EBF1: variants seen among roughly 807,000 people sequenced by gnomAD.
The protein encoded by EBF1 is transcription factor COE1.
Under a neutral mutation model 68.4 loss-of-function variants are expected in EBF1, and 10 were observed. That is an observed-to-expected ratio of 0.15 (90% CI 0.09 to 0.25). EBF1 has a LOEUF of 0.25. Ranked by LOEUF, EBF1 falls within the 10% of genes least tolerant of loss-of-function variation. EBF1 has a pLI of 1.00. For synonymous variants in EBF1, 298 were observed against 299.8 expected, an observed-to-expected ratio of 0.99 and a Z score of 0.06; for missense variants, 509 against 794.4, an observed-to-expected ratio of 0.64 and a Z score of 4.32.
chr5:159,080,861 T>C (rs1779634378), intron 5 of EBF1, among the ~76,000 whole-genome samples: 2 of 152,340 alleles, frequency 1.3e-5, no homozygotes, highest in Non-Finnish European at 2.9e-5. Flanking sequence ...GGAAGACAGA[T>C]TGTGGGCAAA....
intron 6 of EBF1, among the ~76,000 whole-genome samples, chr5:158,941,840 TG>T (rs1279402839): frequency 6.6e-6 from 1 of 152,182 alleles, no homozygotes; most frequent in African/African-American, 2.4e-5. Flanking sequence ...TCCAGAACTG[TG>T]GTATCCTAGG....
At chr5:158,881,411 A>G (rs1798879405) in intron 6 of EBF1, among the ~76,000 whole-genome samples, 1 of 152,184 alleles carries the variant, frequency 6.6e-6, no homozygotes, top group South Asian at 2.1e-4. Context: ...TTAGCAACGC[A>G]GTGTAAATTT....
intron 9 of EBF1, among the ~76,000 whole-genome samples, chr5:158,778,417 G>A (rs1381284230): frequency 6.6e-6 from 1 of 152,216 alleles, no homozygotes; most frequent in East Asian, 1.9e-4. Flanking sequence ...TTCTGCAATT[G>A]TCTACTCTTT....
At chr5:158,904,873 A>T (rs1043558937) in intron 6 of EBF1, among the ~76,000 whole-genome samples, 1 of 152,184 alleles carries the variant, frequency 6.6e-6, no homozygotes, top group Non-Finnish European at 1.5e-5. Flanking sequence ...CTGCCTGCTC[A>T]GGTGGCATTT....
At chr5:159,058,065 C>G (rs1775099077) in intron 6 of EBF1, among the ~76,000 whole-genome samples, 1 of 152,166 alleles carries the variant, frequency 6.6e-6, no homozygotes, top group Non-Finnish European at 1.5e-5. Context: ...GAGATTCTGA[C>G]AGTGGAATTC....
chr5:159,062,960 A>G (rs1424057709), intron 6 of EBF1, among the ~76,000 whole-genome samples: 1 of 152,206 alleles, frequency 6.6e-6, no homozygotes, highest in Non-Finnish European at 1.5e-5. Flanking sequence ...AACAAATTTA[A>G]TATTTTATCT....
intron 6 of EBF1, among the ~76,000 whole-genome samples, chr5:158,955,318 C>T (rs1816842255): frequency 6.6e-6 from 1 of 151,118 alleles, no homozygotes; most frequent in South Asian, 2.1e-4. Context: ...AGCGAAACTC[C>T]ATCTAAAAAA....
At chr5:158,753,629 G>T (rs1350534248) in intron 10 of EBF1, among the ~76,000 whole-genome samples, 1 of 152,056 alleles carries the variant, frequency 6.6e-6, no homozygotes, top group Non-Finnish European at 1.5e-5. Context: ...CAAAAACTTT[G>T]AGTGAATGCA....
At chr5:159,064,310 A>T (rs1776365769) in intron 6 of EBF1, among the ~76,000 whole-genome samples, 1 of 152,196 alleles carries the variant, frequency 6.6e-6, no homozygotes, top group African/African-American at 2.4e-5. Flanking sequence ...AAAATGAAAT[A>T]AAAGAGACAT....
intron 10 of EBF1, among the ~76,000 whole-genome samples, chr5:158,776,168 A>G (rs1472316811): frequency 8.5e-5 from 13 of 152,174 alleles, no homozygotes; most frequent in Admixed American, 8.5e-4. Context: ...TTGGAGTGCA[A>G]ACAAAATTTT....
intron 6 of EBF1, among the ~76,000 whole-genome samples, chr5:159,014,450 A>C (rs1320462700): frequency 6.6e-6 from 1 of 152,220 alleles, no homozygotes; most frequent in Non-Finnish European, 1.5e-5. Context: ...CTTACTCCTC[A>C]TGACACCCCT....
chr5:158,905,468 G>A (rs1804374654), intron 6 of EBF1, among the ~76,000 whole-genome samples: 1 of 152,126 alleles, frequency 6.6e-6, no homozygotes, highest in African/African-American at 2.4e-5. Flanking sequence ...ACTGGATGAG[G>A]ATTAAGTCAT....
chr5:158,927,265 A>G (rs1324931961), intron 6 of EBF1, among the ~76,000 whole-genome samples: 1 of 152,198 alleles, frequency 6.6e-6, no homozygotes, highest in Non-Finnish European at 1.5e-5. Flanking sequence ...GCCAGTTACC[A>G]TCATAATCAT....
intron 10 of EBF1, among the ~76,000 whole-genome samples, chr5:158,771,217 T>A (rs1773808873): frequency 6.6e-6 from 1 of 152,252 alleles, no homozygotes; most frequent in South Asian, 2.1e-4. Flanking sequence ...CACTATCTGC[T>A]TTTCTCACTT....
intron 9 of EBF1, among the ~76,000 whole-genome samples, chr5:158,792,602 T>C (rs1411403331): frequency 6.6e-6 from 1 of 152,130 alleles, no homozygotes; most frequent in African/African-American, 2.4e-5. Context: ...GTGTTGGGTA[T>C]AGAGTAAGGA....
intron 6 of EBF1, among the ~76,000 whole-genome samples, chr5:159,028,242 G>C (rs928548607): frequency 6.6e-6 from 1 of 152,132 alleles, no homozygotes; most frequent in African/African-American, 2.4e-5. Flanking sequence ...AGGAGGACTT[G>C]GGGTAAGGAT....
At chr5:158,918,335 G>A (rs1345170429) in intron 6 of EBF1, among the ~76,000 whole-genome samples, 1 of 152,154 alleles carries the variant, frequency 6.6e-6, no homozygotes, top group African/African-American at 2.4e-5. Flanking sequence ...GGGTTGGGGA[G>A]GAGGGTTCTG....
intron 6 of EBF1, among the ~76,000 whole-genome samples, chr5:158,853,310 T>C (rs773648434): frequency 6.6e-6 from 1 of 152,192 alleles, no homozygotes; most frequent in Non-Finnish European, 1.5e-5. Flanking sequence ...CCCAACTATA[T>C]ATCTGCTTTA....
intron 6 of EBF1, among the ~76,000 whole-genome samples, chr5:158,915,134 T>A (rs1806879345): frequency 6.6e-6 from 1 of 152,162 alleles, no homozygotes. Flanking sequence ...TACCGGAGTA[T>A]TATCCTAAAT....
Sources: gnomAD v4.1 joint callset for allele counts (sites outside exome capture counted in the v4.1 genomes callset) on GRCh38, gnomAD v4.1.1 for gene constraint, MANE v1.5 for transcripts, NCBI Gene and HGNC (gene_info 2026-07-23, HGNC 2026-07-21) for gene names.